SLC28A2: variants seen among roughly 807,000 people sequenced by gnomAD.
SLC28A2 encodes the protein sodium/nucleoside cotransporter 2.
In SLC28A2, 69 loss-of-function variants were observed where a neutral mutation model predicts 72.9. The ratio of observed to expected loss-of-function variants is 0.95; its 90% confidence interval spans 0.78 to 1.16. The LOEUF (loss-of-function observed/expected upper bound fraction) is 1.16. Ranked by LOEUF, SLC28A2 falls within the 50% of genes most tolerant of loss-of-function variation. The probability of loss-of-function intolerance (pLI) is 0.00; values close to 1 mark genes in which losing one functional copy is unlikely to be tolerated. For synonymous variants in SLC28A2, 296 were observed against 294.1 expected, an observed-to-expected ratio of 1.01 and a Z score of -0.07; for missense variants, 745 against 791.1, an observed-to-expected ratio of 0.94 and a Z score of 0.70.
intron 13 of SLC28A2, 75 bp from the exon 14 acceptor site, chr15:45,269,263 C>G: frequency 8.1e-7 from 1 of 1,238,180 alleles, no homozygotes; most frequent in Non-Finnish European, 1.2e-6. Flanking sequence ...GGCCAAGGCT[C>G]CAGAGAAGGT....
At chr15:45,270,150 G>A (rs370902178) in intron 14 of SLC28A2, 45 bp from the exon 15 acceptor site, 50 of 1,298,998 alleles carry the variant, frequency 3.8e-5, no homozygotes, top group African/African-American at 7.3e-5. Flanking sequence ...AAGACCGCAC[G>A]CATGGGACTG....
rs1286046408 is a variant in SLC28A2 at position 45,272,483 on chromosome 15, A to C, written c.1747+90A>C. The C allele has an allele frequency of 7.6e-5, 80 of 1,049,082 alleles. No homozygotes were observed. In the East Asian group the frequency reaches 1.8e-3, roughly 23 times the overall value. 65.0% of individuals were successfully genotyped at this position (1,049,082 alleles called of 1,614,324 possible). Reference sequence around the variant, plus strand: ...GGAAGGTAGAATTGTCCTTGAGTACAGGGGCAACAAAGATTACTTCCCTAG... The same window carrying C: ...GGAAGGTAGAATTGTCCTTGAGTACCGGGGCAACAAAGATTACTTCCCTAG... On this transcript the variant is annotated intron_variant, in intron 16 of 17. Transcript: ENST00000347644.
At chr15:45,255,615 G>C (rs978911680) in intron 3 of SLC28A2, among the ~76,000 whole-genome samples, 1 of 152,096 alleles carries the variant, frequency 6.6e-6, no homozygotes. Context: ...GTATTCGCCT[G>C]TAACGTAAAA....
chr15:45,269,567 T>G (rs1268767901), intron 14 of SLC28A2, 32 bp downstream of exon 14: 2 of 1,577,800 alleles, frequency 1.3e-6, no homozygotes, highest in Non-Finnish European at 1.7e-6. Context: ...ATAAACACCG[T>G]GAGGTCTCAG....
chr15:45,261,134 C>G (rs1171893769), intron 3 of SLC28A2, among the ~76,000 whole-genome samples: 1 of 152,216 alleles, frequency 6.6e-6, no homozygotes, highest in Non-Finnish European at 1.5e-5. Context: ...GGATCACCTT[C>G]TCTGGAGCTC....
chr15:45,270,618 T>C (rs1168370650), intron 15 of SLC28A2, among the ~76,000 whole-genome samples: 1 of 151,642 alleles, frequency 6.6e-6, no homozygotes, highest in African/African-American at 2.4e-5. Context: ...ATAAAGATAT[T>C]TATTTATTTA....
intron 3 of SLC28A2, 98 bp from the exon 4 acceptor site, chr15:45,261,917 T>A (rs1900174967): frequency 1.2e-6 from 1 of 810,614 alleles, no homozygotes; most frequent in Admixed American, 1.8e-5. Context: ...GACTAAGAGC[T>A]AATTCTGCCT....
At chr15:45,271,801 A>T in intron 15 of SLC28A2, 1 of 152,700 alleles carries the variant, frequency 6.5e-6, no homozygotes. Flanking sequence ...GTATTGTTCT[A>T]GTCTTGATGC....
rs1010529004 is a variant in SLC28A2 at position 45,277,132 on chromosome 15, C to T, written c.*1619C>T. 8 of 151,786 alleles carry T rather than the reference C, an allele frequency of 5.3e-5. No individual in the cohort carries two copies. The highest frequency in any genetic ancestry group is 1.2e-4 in the African/African-American group (5 of 41,322). The allele number at this position is 151,786 out of a possible 1,614,324, so 9.4% of individuals were successfully genotyped here. On this transcript the variant is annotated 3_prime_UTR_variant, in exon 18 of 18. Transcript: ENST00000347644. ...TAACCAAAGGTCAGCTCTCCCACAACGAAGAATTACCTGGTCCCAAACGTC... is the reference window on the plus strand; with the variant it reads ...TAACCAAAGGTCAGCTCTCCCACAATGAAGAATTACCTGGTCCCAAACGTC...
rs1018877691 is a variant in SLC28A2 at position 45,253,295 on chromosome 15, T to C, written c.80T>C (p.Met27Thr). Residue 27 changes from methionine (M) to threonine (T), a missense_variant and splice_region_variant, in exon 2 of 18, where the codon ATG (methionine) becomes ACG (threonine). Transcript: ENST00000347644. Reference sequence around the variant, plus strand: ...ACAGTGAACCCGGGGCTGGAGCTCATGGTAATCACCAGTTTAGTTTCTCTC... The same window carrying C: ...ACAGTGAACCCGGGGCTGGAGCTCACGGTAATCACCAGTTTAGTTTCTCTC... ...TGTVNPGLEL[M>T]EKEVEPEGSK... is the part of the protein sequence containing the mutation. 1 of 1,610,730 alleles carries C rather than the reference T, an allele frequency of 6.2e-7. No homozygotes were observed. The highest frequency in any genetic ancestry group is 2.2e-5 in the East Asian group (1 of 44,872).
intron 3 of SLC28A2, among the ~76,000 whole-genome samples, chr15:45,257,476 C>A (rs1344767207): frequency 6.6e-6 from 1 of 152,184 alleles, no homozygotes; most frequent in African/African-American, 2.4e-5. Flanking sequence ...ATAGTTTATA[C>A]TTAAAATGCC....
intron 3 of SLC28A2, among the ~76,000 whole-genome samples, chr15:45,257,245 C>T (rs187187948): frequency 1.1e-4 from 17 of 152,254 alleles, no homozygotes; most frequent in African/African-American, 4.1e-4. Flanking sequence ...CCTCTCCTCC[C>T]CTCAACCTCA....
At chr15:45,269,104 A>C (rs1323701037) in intron 13 of SLC28A2, among the ~76,000 whole-genome samples, 1 of 151,792 alleles carries the variant, frequency 6.6e-6, no homozygotes, top group African/African-American at 2.4e-5. Flanking sequence ...CCAGCATGCC[A>C]CATGTATACA....
At chr15:45,258,835 T>C (rs1381962716) in intron 3 of SLC28A2, among the ~76,000 whole-genome samples, 2 of 152,214 alleles carry the variant, frequency 1.3e-5, no homozygotes, top group African/African-American at 4.8e-5. Flanking sequence ...TAAAGATAAA[T>C]ACACCTTTCT....
At chr15:45,272,652 A>C (rs1595683389) in intron 16 of SLC28A2, 21 bp from the exon 17 acceptor site, 3 of 1,327,202 alleles carry the variant, frequency 2.3e-6, no homozygotes, top group Non-Finnish European at 3.3e-6. Context: ...TCCCCTTAGT[A>C]CCTCTGTCTC....
chr15:45,273,759 T>G (rs1205109176), intron 17 of SLC28A2, among the ~76,000 whole-genome samples: 1 of 152,068 alleles, frequency 6.6e-6, no homozygotes, highest in Non-Finnish European at 1.5e-5. Flanking sequence ...TCCAGTAGAA[T>G]CAATAGGATT....
At chr15:45,258,963 G>T (rs377655684) in intron 3 of SLC28A2, among the ~76,000 whole-genome samples, 1 of 152,174 alleles carries the variant, frequency 6.6e-6, no homozygotes, top group African/African-American at 2.4e-5. Context: ...AGTGTTATGA[G>T]AGCATGTCTT....
intron 13 of SLC28A2, among the ~76,000 whole-genome samples, chr15:45,268,676 C>T (rs1201265142): frequency 1.3e-5 from 2 of 152,076 alleles, no homozygotes; most frequent in African/African-American, 4.8e-5. Flanking sequence ...GGTATATACC[C>T]AAAGGACTAT....
chr15:45,254,680 G>A (rs1293825422), intron 3 of SLC28A2, among the ~76,000 whole-genome samples: 1 of 152,206 alleles, frequency 6.6e-6, no homozygotes, highest in Non-Finnish European at 1.5e-5. Flanking sequence ...ATGATTCAGA[G>A]CAGCTTCCAA....
Sources: allele counts gnomAD v4.1 joint callset (sites outside exome capture counted in the v4.1 genomes callset), GRCh38; gene constraint gnomAD v4.1.1; transcripts MANE v1.5; gene names NCBI Gene and HGNC (gene_info 2026-07-23, HGNC 2026-07-21).